TENM2: variants seen among roughly 807,000 people sequenced by gnomAD.
The protein encoded by TENM2 is teneurin transmembrane protein 2, also known as teneurin-2.
Under a neutral mutation model 245.2 loss-of-function variants are expected in TENM2, and 52 were observed. That is an observed-to-expected ratio of 0.21 (90% confidence interval 0.17 to 0.27). The LOEUF (loss-of-function observed/expected upper bound fraction) is 0.27, where lower values mean the gene tolerates loss of function less well. TENM2 is among the 10% of genes least tolerant of loss of function. The probability of loss-of-function intolerance (pLI) is 1.00; values close to 1 mark genes in which losing one functional copy is unlikely to be tolerated. For missense variants in TENM2, 3,046 were observed against 3,666.8 expected, an observed-to-expected ratio of 0.83 and a Z score of 4.37; for synonymous variants, 1,363 against 1,438.9, an observed-to-expected ratio of 0.95 and a Z score of 1.19.
chr5:168,214,883 A>G (rs1763056457), intron 20 of TENM2, 157 bp from the exon 23 acceptor site: 1 of 710,886 alleles, frequency 1.4e-6, no homozygotes, highest in Non-Finnish European at 2.6e-6. Context: ...ATGATGTGTT[A>G]GAACACTGAG....
At chr5:167,872,346 GAAA>G (rs1561880410) in intron 2 of TENM2, among the ~76,000 whole-genome samples, 31 of 77,842 alleles carry the variant, frequency 4.0e-4, no homozygotes, top group African/African-American at 1.2e-3. Flanking sequence ...AAGAAAGAAA[GAAA>G]GAAAGGAAAG....
intron 5 of TENM2, among the ~76,000 whole-genome samples, chr5:167,995,336 T>A (rs1333885734): frequency 6.6e-6 from 1 of 152,240 alleles, no homozygotes. Flanking sequence ...TTATTTTCAA[T>A]CTGCAGGCTG....
intron 12 of TENM2, among the ~76,000 whole-genome samples, chr5:168,133,897 G>A (rs1191533636): frequency 6.6e-6 from 1 of 152,194 alleles, no homozygotes; most frequent in Non-Finnish European, 1.5e-5. Context: ...GCTCATGCCT[G>A]TAATCCCAGC....
intron 2 of TENM2, among the ~76,000 whole-genome samples, chr5:167,492,799 T>TAGA (rs1214152361): frequency 6.6e-6 from 1 of 151,986 alleles, no homozygotes; most frequent in Non-Finnish European, 1.5e-5. Context: ...TGATAGGGAA[T>TAGA]AGAAATAGAT....
the TENM2 span, among the ~76,000 whole-genome samples, chr5:167,070,363 T>C: frequency 6.8e-6 from 1 of 147,294 alleles, no homozygotes; most frequent in Non-Finnish European, 1.5e-5. Flanking sequence ...TCTCCTGACC[T>C]CATGATCCCC....
intron 2 of TENM2, among the ~76,000 whole-genome samples, chr5:167,671,412 G>A (rs1246139419): frequency 6.8e-4 from 104 of 152,126 alleles, no homozygotes; most frequent in Non-Finnish European, 2.2e-4. Context: ...TTTTTCTCGG[G>A]CATAGCTGAA....
the TENM2 span, among the ~76,000 whole-genome samples, chr5:167,084,289 G>A: frequency 1.7e-3 from 205 of 120,626 alleles, 1 homozygote; most frequent in African/African-American, 6.0e-3. Flanking sequence ...AGACCTATAA[G>A]CTCAGTGTTT....
the TENM2 span, among the ~76,000 whole-genome samples, chr5:167,048,017 G>A: frequency 1.3e-5 from 2 of 152,126 alleles, no homozygotes; most frequent in African/African-American, 4.8e-5. Flanking sequence ...TATTGAAGAA[G>A]TAATGCCACT....
intron 2 of TENM2, among the ~76,000 whole-genome samples, chr5:167,668,879 A>G (rs914252930): frequency 6.6e-6 from 1 of 152,144 alleles, no homozygotes; most frequent in African/African-American, 2.4e-5. Flanking sequence ...ACTTGAACCC[A>G]GGAGGCAGAG....
At chr5:167,408,814 G>A (rs994304148) in intron 2 of TENM2, among the ~76,000 whole-genome samples, 1 of 149,756 alleles carries the variant, frequency 6.7e-6, no homozygotes, top group East Asian at 2.0e-4. Flanking sequence ...AATTTAATAT[G>A]TATCTATAGT....
At chr5:167,854,853 A>T (rs1206417591) in intron 2 of TENM2, among the ~76,000 whole-genome samples, 2 of 152,124 alleles carry the variant, frequency 1.3e-5, no homozygotes, top group African/African-American at 4.8e-5. Context: ...ATGCATCCAG[A>T]TTCTGATCTT....
chr5:167,217,713 G>GAT, the TENM2 span, among the ~76,000 whole-genome samples: 18,970 of 140,882 alleles, frequency 0.13, 1,274 homozygotes, highest in East Asian at 0.2. Context: ...TGTAATGAGT[G>GAT]ATATATATAT....
chr5:166,997,455 A>G, the TENM2 span, among the ~76,000 whole-genome samples: 10 of 152,192 alleles, frequency 6.6e-5, no homozygotes, highest in African/African-American at 2.2e-4. Flanking sequence ...TCCAGCCCAC[A>G]TGACTCCAGA....
At position 167,603,460 on chromosome 5, in the gene TENM2, A is replaced by C. The variant is rs543544725; in HGVS notation, c.502+227987A>C. Among the ~76,000 whole-genome samples the C allele has an allele frequency of 1.2e-4, 18 of 152,292 alleles. No homozygotes were observed. In the South Asian group the frequency reaches 3.5e-3, roughly 30 times the overall value. On this transcript the variant is annotated intron_variant, in intron 2 of 28. Coordinates refer to ENST00000518659, the Ensembl canonical transcript of TENM2. ...CATTTCGAAAGGCCGAGGTGGGTGC[A>C]TCATTTGAGCTCAGGAGTTTGAGAC...
intron 5 of TENM2, among the ~76,000 whole-genome samples, chr5:168,011,348 C>T (rs1785207961): frequency 6.6e-6 from 1 of 152,122 alleles, no homozygotes; most frequent in African/African-American, 2.4e-5. Flanking sequence ...ATTTATTTGG[C>T]AGTGTCTGGA....
intron 2 of TENM2, among the ~76,000 whole-genome samples, chr5:167,828,977 C>T (rs1202283181): frequency 2.0e-5 from 3 of 152,164 alleles, no homozygotes; most frequent in East Asian, 1.9e-4. Context: ...TGCCTCTTGT[C>T]GCCTATGTTG....
At chr5:167,113,194 G>A in the TENM2 span, among the ~76,000 whole-genome samples, 2 of 152,128 alleles carry the variant, frequency 1.3e-5, no homozygotes, top group African/African-American at 4.8e-5. Context: ...AATTACCAAA[G>A]AGGTGAGTTT....
At chr5:167,684,815 A>G (rs1249985542) in intron 2 of TENM2, among the ~76,000 whole-genome samples, 3 of 152,216 alleles carry the variant, frequency 2.0e-5, no homozygotes, top group Non-Finnish European at 4.4e-5. Context: ...CAGTTGATCT[A>G]TGAATATTTT....
At chr5:168,252,570 G>A (rs562358840) in intron 27 of TENM2, among the ~76,000 whole-genome samples, 6 of 151,034 alleles carry the variant, frequency 4.0e-5, no homozygotes, top group Admixed American at 6.6e-5. Context: ...TTGGCCAGGC[G>A]CGGTGACTCA....
Sources: gnomAD v4.1 joint callset for allele counts (sites outside exome capture counted in the v4.1 genomes callset) on GRCh38, gnomAD v4.1.1 for gene constraint, MANE v1.5 for transcripts, NCBI Gene and HGNC (gene_info 2026-07-23, HGNC 2026-07-21) for gene names.